Variants in SYCP1 observed in about 807,000 individuals in gnomAD.
SYCP1 encodes the protein synaptonemal complex protein 1.
Under a neutral mutation model 153.1 loss-of-function variants are expected in SYCP1, and 64 were observed. The observed-to-expected ratio is 0.42, with a 90% CI of 0.34 to 0.51. SYCP1 has a LOEUF of 0.51. Among genes scored for constraint, SYCP1 ranks in the 20% least tolerant of loss-of-function variants. SYCP1 has a pLI of 0.06. For synonymous variants in SYCP1, 384 were observed against 341.8 expected, an observed-to-expected ratio of 1.12 and a Z score of -1.36; for missense variants, 997 against 1,049.0, an observed-to-expected ratio of 0.95 and a Z score of 0.68.
At chr1:114,973,639 G>GT (rs1672629422) in intron 27 of SYCP1, among the ~76,000 whole-genome samples, 1 of 151,894 alleles carries the variant, frequency 6.6e-6, no homozygotes, top group Admixed American at 6.6e-5. Context: ...GCATGAGATT[G>GT]TATGTTTTTG....
At chr1:114,989,403 T>C (rs1673762745) in intron 30 of SYCP1, among the ~76,000 whole-genome samples, 1 of 125,514 alleles carries the variant, frequency 8.0e-6, no homozygotes, top group Non-Finnish European at 1.9e-5. Context: ...GTCACCTAAA[T>C]GGAAAATAAG....
In SYCP1 at chr1:114,947,911, C is replaced by CT. The variant is rs529889203; in HGVS notation, c.2322+600dup. 8.0e-3 allele frequency among the ~76,000 whole-genome samples: 1,145 copies of CT among 143,604 alleles called. 11 individuals are homozygous for CT. Among genetic ancestry groups the CT allele is most frequent in the Middle Eastern group, 0.022 (6 of 276 alleles). 94.2% of individuals were successfully genotyped at this position (143,604 alleles called of 152,430 possible). ...AATGTATATCCTTCTAGCATGTTTC[C>CT]TTTTTTTTTATTATACTTTAAGTTT... On this transcript the variant is annotated intron_variant, in intron 27 of 31. Transcript: ENST00000369522.
chr1:114,856,724 T>C (rs1438292493), intron 3 of SYCP1, 67 bp downstream of exon 3: 5 of 1,168,770 alleles, frequency 4.3e-6, no homozygotes, highest in Admixed American at 2.3e-5. Context: ...TCGATAGTTA[T>C]TGAAAATGTA....
intron 11 of SYCP1, 193 bp downstream of exon 11, chr1:114,877,003 C>T (rs904629609): frequency 3.5e-5 from 9 of 260,714 alleles, no homozygotes; most frequent in South Asian, 1.6e-4. Flanking sequence ...CTCACTCTAG[C>T]TTTTTTTGGG....
At chr1:114,896,714 T>G (rs1257627914) in intron 16 of SYCP1, among the ~76,000 whole-genome samples, 2 of 152,236 alleles carry the variant, frequency 1.3e-5, no homozygotes, top group African/African-American at 4.8e-5. Context: ...ACTTTATAAA[T>G]ATTTGTTGAA....
chr1:114,966,818 G>A (rs939115436), intron 27 of SYCP1, among the ~76,000 whole-genome samples: 7 of 151,846 alleles, frequency 4.6e-5, no homozygotes, highest in Admixed American at 1.3e-4. Context: ...CCAAGTAGCC[G>A]GGACTACAGG....
intron 30 of SYCP1, among the ~76,000 whole-genome samples, chr1:114,993,624 C>T (rs1674074080): frequency 6.6e-6 from 1 of 151,350 alleles, no homozygotes; most frequent in Non-Finnish European, 1.5e-5. Context: ...AAAATAGAGA[C>T]TGGTACTAGA....
intron 15 of SYCP1, among the ~76,000 whole-genome samples, chr1:114,890,461 G>T (rs1666627777): frequency 6.6e-6 from 1 of 151,108 alleles, no homozygotes. Flanking sequence ...AATATATTTT[G>T]GGTGAATGCT....
chr1:114,854,831 C>T, upstream of SYCP1: 1 of 152,194 alleles, frequency 6.6e-6, no homozygotes, highest in South Asian at 2.1e-4. Flanking sequence ...CACACAGCGA[C>T]GGTTATTTAG....
chr1:114,873,390 C>T (rs1665291868), intron 8 of SYCP1, among the ~76,000 whole-genome samples: 1 of 152,184 alleles, frequency 6.6e-6, no homozygotes, highest in South Asian at 2.1e-4. Flanking sequence ...CATCCCTCTC[C>T]TCCTTAGATG....
At chr1:114,961,641 G>A (rs1671786715) in intron 27 of SYCP1, among the ~76,000 whole-genome samples, 1 of 152,110 alleles carries the variant, frequency 6.6e-6, no homozygotes, top group South Asian at 2.1e-4. Context: ...TCACGTATTT[G>A]CCTGATTTTG....
chr1:114,869,750 A>T (rs2101399140), intron 8 of SYCP1, among the ~76,000 whole-genome samples: 1 of 152,302 alleles, frequency 6.6e-6, no homozygotes, highest in East Asian at 1.9e-4. Flanking sequence ...GAAATCTGAA[A>T]TCTGATATAT....
At chr1:114,972,742 T>C (rs541443675) in intron 27 of SYCP1, among the ~76,000 whole-genome samples, 11 of 152,276 alleles carry the variant, frequency 7.2e-5, no homozygotes, top group Middle Eastern at 3.4e-3. Context: ...TTCTGGTTTA[T>C]TTCATTGTTG....
upstream of SYCP1, among the ~76,000 whole-genome samples, chr1:114,854,401 G>C (rs971056467): frequency 6.6e-6 from 1 of 152,158 alleles, no homozygotes; most frequent in African/African-American, 2.4e-5. Context: ...GCCTCCCAAA[G>C]TGTTGGGATT....
At chr1:114,914,944 G>A (rs1668421819) in intron 20 of SYCP1, among the ~76,000 whole-genome samples, 1 of 151,974 alleles carries the variant, frequency 6.6e-6, no homozygotes, top group South Asian at 2.1e-4. Context: ...CACACACACA[G>A]CATCCATGCT....
intron 16 of SYCP1, among the ~76,000 whole-genome samples, chr1:114,907,008 G>C (rs1667853866): frequency 6.6e-6 from 1 of 152,090 alleles, no homozygotes; most frequent in African/African-American, 2.4e-5. Flanking sequence ...TTGAACTTCT[G>C]CTATAAACTT....
intron 12 of SYCP1, among the ~76,000 whole-genome samples, chr1:114,883,279 A>G (rs564772648): frequency 1.2e-3 from 182 of 152,278 alleles, no homozygotes; most frequent in African/African-American, 4.1e-3. Context: ...TTATTGATTT[A>G]CTGATATCTT....
chr1:114,898,184 G>A (rs1274869536), intron 16 of SYCP1, among the ~76,000 whole-genome samples: 2 of 152,190 alleles, frequency 1.3e-5, no homozygotes, highest in Non-Finnish European at 2.9e-5. Context: ...GGACCAAAAT[G>A]TGTCTCAGGG....
At chr1:114,873,007 C>G (rs1665260113) in intron 8 of SYCP1, among the ~76,000 whole-genome samples, 1 of 152,064 alleles carries the variant, frequency 6.6e-6, no homozygotes, top group African/African-American at 2.4e-5. Context: ...TGTTTTGAGT[C>G]ATTCTTAGAA....
Sources: gnomAD v4.1 joint callset for allele counts (sites outside exome capture counted in the v4.1 genomes callset) on GRCh38, gnomAD v4.1.1 for gene constraint, MANE v1.5 for transcripts, NCBI Gene and HGNC (gene_info 2026-07-23, HGNC 2026-07-21) for gene names.